Variants in CBLL1 observed in about 807,000 individuals in gnomAD.
The protein encoded by CBLL1 is Cbl proto-oncogene like 1.
Under a neutral mutation model 44.9 loss-of-function variants are expected in CBLL1, and 4 were observed. The observed-to-expected ratio is 0.09, with a 90% CI of 0.04 to 0.20. The LOEUF is 0.20. CBLL1 is among the 10% of genes least tolerant of loss of function. The pLI is 1.00. For synonymous variants in CBLL1, 235 were observed against 202.2 expected (o/e 1.16, Z -1.38); for missense variants, 569 against 636.7 (o/e 0.89, Z 1.14).
At chr7:107,749,246 T>C (rs1793159961) in intron 2 of CBLL1, 199 bp downstream of exon 2, 1 of 418,356 alleles carries the variant, frequency 2.4e-6, no homozygotes, top group Non-Finnish European at 4.2e-6. Flanking sequence ...CCTTTTGTTG[T>C]TGAAAGCAAT....
intron 2 of CBLL1, among the ~76,000 whole-genome samples, chr7:107,752,216 A>G (rs1032913362): frequency 6.5e-4 from 98 of 151,404 alleles, no homozygotes; most frequent in Middle Eastern, 3.4e-3. Flanking sequence ...AAAAAAAAAA[A>G]GAAAAATTAA....
chr7:107,752,109 G>T (rs564424592), intron 2 of CBLL1, among the ~76,000 whole-genome samples: 1 of 150,778 alleles, frequency 6.6e-6, no homozygotes, highest in Admixed American at 6.6e-5. Flanking sequence ...CGAGGCAGGA[G>T]AATGGCATGA....
rs752399448 is a variant in CBLL1 at position 107,758,539 on chromosome 7, G to A, written c.837G>A (p.Gln279=). ...MAPPPPRSVS[Q]ETFRISTRKH... ...CACCTCCACCTCGATCGGTCAGTCA[G>A]GAAACCTTTCGTATTTCAACAAGAA... The change falls in exon 6 of 6, where the codon CAG becomes CAA. Residue 279 remains glutamine (Q), a synonymous_variant. Transcript: ENST00000440859. The surrounding 1 kb of genome is among the most constrained non-coding windows in gnomAD (Gnocchi z 4.2). 3.1e-6 allele frequency: 5 copies of A among 1,613,864 alleles called. No individual in the cohort carries two copies. In the South Asian group the frequency reaches 3.3e-5, roughly 11 times the overall value.
At chr7:107,753,628 A>G (rs541391506) in intron 3 of CBLL1, 117 bp downstream of exon 3, 12 of 597,736 alleles carry the variant, frequency 2.0e-5, no homozygotes, top group African/African-American at 9.7e-5. Flanking sequence ...ACTTATAACT[A>G]TGATTTTCAG....
At chr7:107,748,187 G>C (rs1457856777) in intron 1 of CBLL1, among the ~76,000 whole-genome samples, 1 of 152,134 alleles carries the variant, frequency 6.6e-6, no homozygotes, top group African/African-American at 2.4e-5. Flanking sequence ...CCTAGTTGTA[G>C]TATAGGAACT....
At chr7:107,755,672 CCA>C in intron 5 of CBLL1, 181 bp downstream of exon 5, 1 of 353,442 alleles carries the variant, frequency 2.8e-6, no homozygotes, top group Non-Finnish European at 5.2e-6. Context: ...GGCAAGGTAG[CCA>C]CTATCAGTCA....
chr7:107,749,869 C>T (rs1406078620), intron 2 of CBLL1, among the ~76,000 whole-genome samples: 1 of 151,680 alleles, frequency 6.6e-6, no homozygotes, highest in Non-Finnish European at 1.5e-5. Context: ...TAGATCCTTT[C>T]TTCTGAGTTC....
intron 2 of CBLL1, among the ~76,000 whole-genome samples, chr7:107,751,398 C>T (rs1456295382): frequency 7.1e-6 from 1 of 139,926 alleles, no homozygotes; most frequent in South Asian, 2.6e-4. Flanking sequence ...TTGGGGACCC[C>T]TGTATTAAAA....
chr7:107,754,012 G>A (rs755215161), intron 4 of CBLL1, 34 bp downstream of exon 4: 2 of 1,366,764 alleles, frequency 1.5e-6, no homozygotes, highest in South Asian at 1.3e-5. Context: ...TTGTAAGTAA[G>A]CATTTGCATA....
intron 5 of CBLL1, among the ~76,000 whole-genome samples, chr7:107,756,925 T>G (rs1279397173): frequency 1.3e-5 from 2 of 152,182 alleles, no homozygotes; most frequent in Non-Finnish European, 2.9e-5. Context: ...TATATATTAC[T>G]GTTCTTAAGC....
At chr7:107,752,470 G>A in intron 2 of CBLL1, 2 of 598,860 alleles carry the variant, frequency 3.3e-6, no homozygotes, top group Admixed American at 2.4e-5. Context: ...GTGTGTCTGT[G>A]TCTGTGTATA....
Position 107,759,230 on chromosome 7 carries a change from C to T in CBLL1, c.*52C>T, listed in dbSNP as rs759744039. The T allele has an allele frequency of 1.1e-5, 16 of 1,466,536 alleles. No homozygotes were observed. In the East Asian group the frequency reaches 3.4e-4, roughly 31 times the overall value. The allele number at this position is 1,466,536 out of a possible 1,614,324, so 90.8% of individuals were successfully genotyped here. A position where few individuals can be genotyped will look rare whatever the true frequency, so the allele number is the denominator to read the frequency against. ...AGGGGGAAAAAAACTTATGTGTAGT[C>T]AATCTTTTAAGCTTTGACTGTTTTG... is the stretch of plus-strand genomic sequence containing the variant. On this transcript the variant is annotated 3_prime_UTR_variant, in exon 6 of 6. Coordinates refer to ENST00000440859, the MANE Select transcript of CBLL1 (RefSeq NM_024814.4).
Position 107,748,934 on chromosome 7 carries a change from G to A in CBLL1, c.68G>A (p.Arg23His). The A allele has an allele frequency of 6.2e-7, 1 of 1,613,776 alleles. No homozygotes were observed. The highest frequency in any genetic ancestry group is 8.5e-7 in the Non-Finnish European group (1 of 1,179,802). ...GGATCCTTGGGTGGTCTTGATGTTC[G>A]CAGACGAATTCCTATAAAGCTCATC... is the stretch of plus-strand genomic sequence containing the variant. ...SSGSLGGLDV[R>H]RRIPIKLISK... Residue 23 changes from arginine (R) to histidine (H), a missense_variant, in exon 2 of 6, where the codon CGC (arginine) becomes CAC (histidine). By Grantham distance (29) the Arg-to-His change is conservative. This residue lies in a region of CBLL1 where 209 missense variants were observed against 202.8 expected (regional missense o/e 1.03). Coordinates refer to ENST00000440859, the MANE Select transcript of CBLL1 (RefSeq NM_024814.4).
At chr7:107,748,229 C>G (rs1422652260) in intron 1 of CBLL1, among the ~76,000 whole-genome samples, 3 of 152,272 alleles carry the variant, frequency 2.0e-5, no homozygotes, top group East Asian at 3.9e-4. Context: ...TTTTCCATTA[C>G]AGTGCTGACT....
intron 4 of CBLL1, 52 bp from the exon 5 acceptor site, chr7:107,755,365 TA>T: frequency 2.1e-6 from 2 of 974,942 alleles, no homozygotes; most frequent in South Asian, 2.4e-5. Flanking sequence ...ATATATATTT[TA>T]AAAATATTAT....
intron 5 of CBLL1, among the ~76,000 whole-genome samples, chr7:107,755,748 T>TAA (rs1372055810): frequency 3.3e-5 from 5 of 152,162 alleles, no homozygotes; most frequent in African/African-American, 1.2e-4. Flanking sequence ...ACAAAAAAGT[T>TAA]ACTTTTTTTA....
chr7:107,746,531 G>A (rs545185439), intron 1 of CBLL1, among the ~76,000 whole-genome samples: 10 of 152,130 alleles, frequency 6.6e-5, no homozygotes, highest in African/African-American at 1.9e-4. Flanking sequence ...CATGAAATTC[G>A]TAAACATGAA....
At chr7:107,746,970 C>T (rs1250262246) in intron 1 of CBLL1, among the ~76,000 whole-genome samples, 1 of 152,090 alleles carries the variant, frequency 6.6e-6, no homozygotes, top group South Asian at 2.1e-4. Context: ...AGTGTTGTGC[C>T]TTTTTAAAGT....
Position 107,755,558 on chromosome 7 carries a change from T to C in CBLL1, c.440+67T>C, listed in dbSNP as rs141515010. On this transcript the variant is annotated intron_variant, in intron 5 of 5. Coordinates refer to ENST00000440859, the MANE Select transcript of CBLL1 (RefSeq NM_024814.4). ...TTAGTGCAATGATTTATAAGTTGGA[T>C]TAAAGGTTAGGGAGTGATGTAAATC... The C allele has an allele frequency of 1.2e-3, 1,121 of 928,938 alleles. 5 individuals carry two copies. The African/African-American group carries it at 0.018, about 15-fold the overall frequency. The allele number at this position is 928,938 out of a possible 1,614,324, so 57.5% of individuals were successfully genotyped here.
Sources: gnomAD v4.1 joint callset for allele counts (sites outside exome capture counted in the v4.1 genomes callset) on GRCh38, gnomAD v4.1.1 for gene constraint, gnomAD v4.1.1 regional missense constraint, Gnocchi (gnomAD v3.1) non-coding constraint, MANE v1.5 for transcripts, NCBI Gene and HGNC (gene_info 2026-07-23, HGNC 2026-07-21) for gene names.